The following COMMD1 variants were observed in gnomAD, a reference collection of about 807,000 sequenced individuals.
COMMD1 encodes COMM domain-containing protein 1.
Under a neutral mutation model 17.2 loss-of-function variants are expected in COMMD1, and 10 were observed. The ratio of observed to expected loss-of-function variants is 0.58; its 90% CI spans 0.36 to 0.99. The LOEUF (loss-of-function observed/expected upper bound fraction) is 0.99, where lower values mean the gene tolerates loss of function less well. Among genes scored for constraint, COMMD1 ranks in the 50% least tolerant of loss-of-function variants. The pLI, the probability that COMMD1 is intolerant of heterozygous loss-of-function variation, is 0.01. For synonymous variants in COMMD1, 97 were observed against 91.6 expected (o/e 1.06, Z -0.34); for missense variants, 270 against 231.8 (o/e 1.17, Z -1.07).
At chr2:62,024,604 C>G (rs1486401420) in intron 2 of COMMD1, among the ~76,000 whole-genome samples, 1 of 152,162 alleles carries the variant, frequency 6.6e-6, no homozygotes, top group Non-Finnish European at 1.5e-5. Flanking sequence ...AAAAGTTACA[C>G]AAGACCTTTT....
At chr2:61,906,456 A>G (rs1011620110) in intron 1 of COMMD1, among the ~76,000 whole-genome samples, 4 of 152,242 alleles carry the variant, frequency 2.6e-5, no homozygotes, top group African/African-American at 9.6e-5. Context: ...CATGTAATCA[A>G]TATACAGAAT....
intron 2 of COMMD1, among the ~76,000 whole-genome samples, chr2:62,019,687 G>A (rs990237907): frequency 9.9e-5 from 15 of 152,156 alleles, no homozygotes; most frequent in African/African-American, 3.4e-4. Flanking sequence ...CACCATGTTA[G>A]GCGATAGATG....
At chr2:62,038,291 C>T (rs114227747) in intron 2 of COMMD1, among the ~76,000 whole-genome samples, 2,746 of 152,016 alleles carry the variant, frequency 0.018, 57 homozygotes, top group African/African-American at 0.041. Context: ...CTGTCTCAAA[C>T]AGCAACAGCA....
intron 2 of COMMD1, among the ~76,000 whole-genome samples, chr2:62,052,266 C>T (rs1670558233): frequency 1.3e-5 from 2 of 152,140 alleles, no homozygotes; most frequent in African/African-American, 4.8e-5. Context: ...GCCTTGGCAA[C>T]ATGGTGAAAC....
intron 1 of COMMD1, among the ~76,000 whole-genome samples, chr2:61,973,170 G>A (rs758924071): frequency 6.6e-5 from 10 of 151,926 alleles, no homozygotes; most frequent in Non-Finnish European, 8.8e-5. Context: ...CAGACATTTG[G>A]GTTAATTCTA....
rs557528858 is a variant in COMMD1 at position 62,057,180 on chromosome 2, A to G, written c.462+56198A>G. On this transcript the variant is annotated intron_variant, in intron 2 of 2. Transcript: ENST00000311832. Reference sequence around the variant, plus strand: ...TTGTGTAATTATTTCATTATATATTACAGTGTGATAATAATAGAAATAAAG... The same window carrying G: ...TTGTGTAATTATTTCATTATATATTGCAGTGTGATAATAATAGAAATAAAG... Among the ~76,000 whole-genome samples, 8 of 152,330 alleles carry G rather than the reference A, an allele frequency of 5.3e-5. No homozygotes were observed. In the East Asian group the frequency reaches 7.7e-4, roughly 15 times the overall value.
intron 1 of COMMD1, among the ~76,000 whole-genome samples, chr2:61,889,819 G>A (rs1019854066): frequency 7.2e-5 from 11 of 152,238 alleles, no homozygotes; most frequent in African/African-American, 2.6e-4. Context: ...GACTCTTAGG[G>A]AACGTAAACA....
intron 1 of COMMD1, among the ~76,000 whole-genome samples, chr2:61,984,321 C>T (rs1044119508): frequency 6.6e-6 from 1 of 152,210 alleles, no homozygotes; most frequent in African/African-American, 2.4e-5. Flanking sequence ...CCACCGCGCT[C>T]AACCTGTTGT....
intron 2 of COMMD1, among the ~76,000 whole-genome samples, chr2:62,068,064 G>A (rs1671102786): frequency 6.6e-6 from 1 of 152,154 alleles, no homozygotes; most frequent in Non-Finnish European, 1.5e-5. Flanking sequence ...AAGCCATTCA[G>A]TTCGTGGTCC....
At chr2:62,072,201 G>A (rs894619405) in intron 2 of COMMD1, among the ~76,000 whole-genome samples, 27 of 152,192 alleles carry the variant, frequency 1.8e-4, no homozygotes, top group African/African-American at 6.3e-4. Flanking sequence ...AGACAGGGGC[G>A]GGTCCCTGGT....
chr2:61,888,466 C>G, upstream of COMMD1: 2 of 1,612,062 alleles, frequency 1.2e-6, no homozygotes, highest in Non-Finnish European at 1.7e-6. Flanking sequence ...CGCCGGCAGC[C>G]CCGGCAGTCG....
chr2:62,013,353 A>G (rs765812182), intron 2 of COMMD1, among the ~76,000 whole-genome samples: 4 of 152,220 alleles, frequency 2.6e-5, no homozygotes, highest in African/African-American at 7.2e-5. Context: ...GCCAATATTA[A>G]TATTCCACTC....
Position 62,024,265 on chromosome 2 carries a change from G to A in COMMD1, c.462+23283G>A, listed in dbSNP as rs141527211. On this transcript the variant is annotated intron_variant, in intron 2 of 2. Transcript: ENST00000311832. ...AGGGTCTCCCTCTGTAACTCATGCT[G>A]GAGTGCAGTGGTGCTATCTCAGCTC... 3.8e-3 allele frequency among the ~76,000 whole-genome samples: 585 copies of A among 152,154 alleles called. 2 individuals carry two copies. The highest frequency in any genetic ancestry group is 5.7e-3 in the Non-Finnish European group (391 of 68,002).
At chr2:62,024,080 A>G (rs1669688886) in intron 2 of COMMD1, among the ~76,000 whole-genome samples, 1 of 152,250 alleles carries the variant, frequency 6.6e-6, no homozygotes, top group Non-Finnish European at 1.5e-5. Context: ...ACATTTTGGT[A>G]TATTCACAAT....
chr2:62,121,787 C>A (rs1672757427), intron 2 of COMMD1, among the ~76,000 whole-genome samples: 1 of 151,272 alleles, frequency 6.6e-6, no homozygotes, highest in Non-Finnish European at 1.5e-5. Context: ...TAGAAATTAG[C>A]CATTTGTTTA....
chr2:61,888,785 C>T (rs1009026522), exon 1 of COMMD1: 1 of 484,882 alleles, frequency 2.1e-6, no homozygotes, highest in Admixed American at 3.9e-5. Flanking sequence ...GGGTGAAGAG[C>T]GCCGGGGGAA....
At chr2:62,035,878 C>T (rs891526958) in intron 2 of COMMD1, among the ~76,000 whole-genome samples, 2 of 151,798 alleles carry the variant, frequency 1.3e-5, no homozygotes, top group Non-Finnish European at 2.9e-5. Context: ...ATGCTAAAAC[C>T]CTGTCTCTAA....
At chr2:61,900,539 C>T (rs1277494328) in intron 1 of COMMD1, among the ~76,000 whole-genome samples, 1 of 152,164 alleles carries the variant, frequency 6.6e-6, no homozygotes, top group Non-Finnish European at 1.5e-5. Flanking sequence ...GCCACAGAGT[C>T]TTATGATCCC....
chr2:62,044,124 C>T (rs953755970), intron 2 of COMMD1, among the ~76,000 whole-genome samples: 1 of 152,080 alleles, frequency 6.6e-6, no homozygotes, highest in Non-Finnish European at 1.5e-5. Flanking sequence ...TTTGGCTTCC[C>T]TCTTGTTTAT....
Sources: allele counts gnomAD v4.1 joint callset (sites outside exome capture counted in the v4.1 genomes callset), GRCh38; gene constraint gnomAD v4.1.1; transcripts MANE v1.5; gene names NCBI Gene and HGNC (gene_info 2026-07-23, HGNC 2026-07-21).